Variants in ABCC12 observed in about 807,000 individuals in gnomAD.
The protein encoded by ABCC12 is ATP-binding cassette sub-family C member 12.
A neutral mutation model predicts 151.1 loss-of-function variants in ABCC12; 142 were observed. That is an observed-to-expected ratio of 0.94 (90% CI 0.82 to 1.08). The LOEUF (loss-of-function observed/expected upper bound fraction) is 1.08, where lower values mean the gene tolerates loss of function less well. Among genes scored for constraint, ABCC12 ranks in the 50% least tolerant of loss-of-function variants. The pLI is 0.00. For missense variants in ABCC12, 1,638 were observed against 1,691.1 expected (o/e 0.97, Z 0.55); for synonymous variants, 645 against 646.4 (o/e 1.00, Z 0.03).
At chr16:48,115,661 T>G in intron 14 of ABCC12, 43 bp from the exon 15 acceptor site, 1 of 1,567,192 alleles carries the variant, frequency 6.4e-7, no homozygotes, top group Non-Finnish European at 8.7e-7. Context: ...CAGCCCACCC[T>G]GAAGTTCTTG....
rs146822420 is a variant in ABCC12, at chr16:48,150,459, T to C, written c.-51+3157A>G. ...CATATCAAACTATGTGTATAGCTCA[T>C]ATGATAAATTGAGAGGAGGGGAAAA... is the stretch of plus-strand genomic sequence containing the variant. On this transcript the variant is annotated intron_variant, in intron 2 of 30. Coordinates refer to ENST00000311303, the MANE Select transcript of ABCC12 (RefSeq NM_001393797.1). Among the ~76,000 whole-genome samples the C allele has an allele frequency of 5.9e-3, 891 of 152,298 alleles. 8 individuals are homozygous for C. The highest frequency in any genetic ancestry group is 0.021 in the African/African-American group (862 of 41,544).
rs768715910 is a variant in ABCC12, at chr16:48,105,204, C to A, written c.2608G>T (p.Gly870Cys). The change falls in exon 21 of 31, where the codon GGC (glycine) becomes TGC (cysteine). Residue 870 changes from glycine to cysteine, a missense_variant. Gly to Cys is a radical substitution (Grantham distance 159, BLOSUM62 -3). Coordinates refer to ENST00000311303, the MANE Select transcript of ABCC12 (RefSeq NM_001393797.1). ...VFMLVFGVTK[G>C]FVFTKTTLMA... ...AGTGTGGTCTTGGTGAAGACGAAGC[C>A]TTTGGTGACGCCAAACACCAGCATG... The A allele has an allele frequency of 6.2e-7, 1 of 1,614,176 alleles. No individual in the cohort carries two copies. The highest frequency in any genetic ancestry group is 8.5e-7 in the Non-Finnish European group (1 of 1,180,032).
chr16:48,117,878 G>A (rs1278352633), intron 13 of ABCC12, among the ~76,000 whole-genome samples: 1 of 152,216 alleles, frequency 6.6e-6, no homozygotes, highest in Non-Finnish European at 1.5e-5. Flanking sequence ...TGGAGAGAAT[G>A]GAGTTTTCTC....
Position 48,083,551 on chromosome 16 carries a change from G to T in ABCC12, c.*164C>A. ...CCAAGCCCACCAAGTGGGGTGACAT[G>T]GACTGAGTATGGCAGTGGGGACAAC... On this transcript the variant is annotated 3_prime_UTR_variant, in exon 31 of 31. Transcript: ENST00000311303. 1 of 744,580 alleles carries T rather than the reference G, an allele frequency of 1.3e-6. No homozygotes were observed. The highest frequency in any genetic ancestry group is 2.2e-6 in the Non-Finnish European group (1 of 449,962). 46.1% of individuals were successfully genotyped at this position (744,580 alleles called of 1,614,324 possible).
chr16:48,137,642 T>C (rs962940819), intron 8 of ABCC12, among the ~76,000 whole-genome samples: 1 of 152,162 alleles, frequency 6.6e-6, no homozygotes, highest in Non-Finnish European at 1.5e-5. Context: ...GTAACAGTGG[T>C]TCAGATCATT....
chr16:48,105,209 G>C lies in ABCC12; in HGVS notation c.2603C>G (p.Thr868Ser). 6.2e-7 allele frequency: 1 copy of C among 1,614,156 alleles called. No homozygotes were observed. Among genetic ancestry groups the C allele is most frequent in the Non-Finnish European group, 8.5e-7 (1 of 1,180,032 alleles). ...SMVFMLVFGV[T>S]KGFVFTKTTL... ...GGTCTTGGTGAAGACGAAGCCTTTG[G>C]TGACGCCAAACACCAGCATGAACAC... The change falls in exon 21 of 31, where the codon ACC (threonine) becomes AGC (serine). Residue 868 changes from threonine (T) to serine (S), a missense_variant. Transcript: ENST00000311303.
chr16:48,114,074 CAGA>C (rs1465896254), intron 15 of ABCC12, among the ~76,000 whole-genome samples: 2 of 152,202 alleles, frequency 1.3e-5, no homozygotes, highest in African/African-American at 2.4e-5. Flanking sequence ...CATCCTAACT[CAGA>C]AGAAGAACTA....
At chr16:48,141,081 G>A (rs868105930) in intron 5 of ABCC12, 125 bp downstream of exon 5, 21 of 1,427,970 alleles carry the variant, frequency 1.5e-5, no homozygotes, top group South Asian at 5.6e-5. Flanking sequence ...ATGAAAATTC[G>A]CCCCCAAGGA....
chr16:48,090,254 G>T (rs1962822110), intron 25 of ABCC12, among the ~76,000 whole-genome samples: 1 of 152,042 alleles, frequency 6.6e-6, no homozygotes, highest in Admixed American at 6.6e-5. Flanking sequence ...TAGAGTCAGG[G>T]TCTAGCTCTG....
intron 10 of ABCC12, among the ~76,000 whole-genome samples, chr16:48,129,873 T>C (rs1410290153): frequency 6.6e-6 from 1 of 152,162 alleles, no homozygotes; most frequent in African/African-American, 2.4e-5. Context: ...ATACATGCAA[T>C]TAATGTGATG....
At chr16:48,105,833 C>T (rs965111234) in intron 20 of ABCC12, among the ~76,000 whole-genome samples, 27 of 152,316 alleles carry the variant, frequency 1.8e-4, no homozygotes, top group African/African-American at 6.0e-4. Context: ...GTATGATGGG[C>T]CAGCTCCACA....
chr16:48,144,940 A>G (rs1964948126), intron 3 of ABCC12, among the ~76,000 whole-genome samples: 1 of 152,206 alleles, frequency 6.6e-6, no homozygotes. Flanking sequence ...AGACAAAAAC[A>G]TCAAGGCACA....
In ABCC12 at chr16:48,086,799, T is replaced by C. The variant is rs2150580175; in HGVS notation, c.3656A>G (p.Glu1219Gly). 6.2e-7 allele frequency: 1 copy of C among 1,613,786 alleles called. No homozygotes were observed. The highest frequency in any genetic ancestry group is 8.5e-7 in the Non-Finnish European group (1 of 1,179,812). ...GTVRYNLDPFESHTDEMLWQV... is the reference protein window; with the variant it reads ...GTVRYNLDPFGSHTDEMLWQV... The stretch of plus-strand genomic sequence containing the variant: ...CCAGAGCATCTCATCGGTGTGACTC[T>C]CAAAGGGATCCAAGTTGTACCTGCA... The change falls in exon 28 of 31, where the codon GAG becomes GGG. Residue 1219 changes from glutamate to glycine, a missense_variant. By Grantham distance (98) the Glu-to-Gly change is moderately conservative. Transcript: ENST00000311303.
chr16:48,132,526 T>G (rs1444443801), intron 9 of ABCC12, among the ~76,000 whole-genome samples: 1 of 152,298 alleles, frequency 6.6e-6, no homozygotes, highest in South Asian at 2.1e-4. Context: ...TCTCTCTCTC[T>G]CTCTCATTTT....
chr16:48,087,870 G>C, intron 27 of ABCC12, 56 bp downstream of exon 27: 1 of 1,570,052 alleles, frequency 6.4e-7, no homozygotes, highest in Non-Finnish European at 8.7e-7. Context: ...AAAGTTCTTG[G>C]TCAGTCTGAT....
intron 10 of ABCC12, among the ~76,000 whole-genome samples, chr16:48,130,379 A>C (rs1018287510): frequency 1.2e-4 from 18 of 152,204 alleles, no homozygotes; most frequent in Non-Finnish European, 2.2e-4. Context: ...TGAATGAATA[A>C]AGGGACTAAA....
intron 21 of ABCC12, among the ~76,000 whole-genome samples, chr16:48,104,671 G>A (rs1963425316): frequency 6.6e-6 from 1 of 152,204 alleles, no homozygotes. Context: ...TCGGAGGAAG[G>A]AATTTTGTGC....
At chr16:48,140,097 G>C (rs1000126342) in intron 6 of ABCC12, among the ~76,000 whole-genome samples, 2 of 152,054 alleles carry the variant, frequency 1.3e-5, no homozygotes, top group Admixed American at 1.3e-4. Context: ...TAAATGCTTT[G>C]AGCTTGCTAA....
intron 12 of ABCC12, among the ~76,000 whole-genome samples, 190 bp from the exon 13 acceptor site, chr16:48,122,030 T>A (rs1336068396): frequency 6.6e-6 from 1 of 152,236 alleles, no homozygotes; most frequent in Non-Finnish European, 1.5e-5. Flanking sequence ...GTCAAACACC[T>A]GCACAGGGCC....
Sources: gnomAD v4.1 joint callset for allele counts (sites outside exome capture counted in the v4.1 genomes callset) on GRCh38, gnomAD v4.1.1 for gene constraint, MANE v1.5 for transcripts, NCBI Gene and HGNC (gene_info 2026-07-23, HGNC 2026-07-21) for gene names.